LINGO2: variants seen among roughly 807,000 people sequenced by gnomAD.
LINGO2 encodes the protein leucine-rich repeat and immunoglobulin-like domain-containing nogo receptor-interacting protein 2.
In LINGO2, 14 loss-of-function variants were observed where a neutral mutation model predicts 30.6. That is an observed-to-expected ratio of 0.46 (90% CI 0.30 to 0.72). The LOEUF is 0.72. Ranked by LOEUF, LINGO2 falls within the 30% of genes least tolerant of loss-of-function variation. LINGO2 has a pLI of 0.07. For missense variants in LINGO2, 729 were observed against 751.7 expected (o/e 0.97, Z 0.35); for synonymous variants, 317 against 288.5 (o/e 1.10, Z -1.00).
intron 4 of LINGO2, among the ~76,000 whole-genome samples, chr9:28,266,114 A>G (rs1822741761): frequency 6.6e-6 from 1 of 151,976 alleles, no homozygotes; most frequent in Non-Finnish European, 1.5e-5. Context: ...TATACTCACT[A>G]TGCATCATTT....
chr9:28,708,761 TTATCTATC>T, the LINGO2 span, among the ~76,000 whole-genome samples: 2,581 of 147,848 alleles, frequency 0.017, 36 homozygotes, highest in Non-Finnish European at 0.026. Context: ...TTTAAACTAA[TTATCTATC>T]TATCTATCTA....
intron 1 of LINGO2, among the ~76,000 whole-genome samples, chr9:28,522,603 C>A (rs1820867155): frequency 6.6e-6 from 1 of 151,814 alleles, no homozygotes; most frequent in Admixed American, 6.6e-5. Context: ...ACAACTTATA[C>A]AAAAGGAATA....
At chr9:28,693,941 A>AT in the LINGO2 span, among the ~76,000 whole-genome samples, 1 of 151,966 alleles carries the variant, frequency 6.6e-6, no homozygotes, top group Non-Finnish European at 1.5e-5. Flanking sequence ...TGCTTATCCA[A>AT]TTTATTCTTA....
intron 3 of LINGO2, among the ~76,000 whole-genome samples, chr9:28,320,897 C>T (rs927443686): frequency 6.6e-6 from 1 of 152,136 alleles, no homozygotes; most frequent in Non-Finnish European, 1.5e-5. Flanking sequence ...TTTTAGCTAG[C>T]TTCAAATGGC....
the LINGO2 span, among the ~76,000 whole-genome samples, chr9:29,088,480 G>C: frequency 6.6e-6 from 1 of 152,126 alleles, no homozygotes; most frequent in Admixed American, 6.6e-5. Flanking sequence ...ATACCATGCT[G>C]CACTGGCCTC....
the LINGO2 span, among the ~76,000 whole-genome samples, chr9:28,768,916 T>A: frequency 2.6e-5 from 4 of 152,078 alleles, no homozygotes; most frequent in Non-Finnish European, 5.9e-5. Flanking sequence ...GGCAGCAGAA[T>A]AATAATACTA....
chr9:28,729,539 A>C, the LINGO2 span, among the ~76,000 whole-genome samples: 9 of 152,088 alleles, frequency 5.9e-5, no homozygotes, highest in African/African-American at 2.2e-4. Flanking sequence ...ATCATTCATC[A>C]AATGTCAAGA....
intron 3 of LINGO2, among the ~76,000 whole-genome samples, chr9:28,359,316 CAG>C (rs1820352892): frequency 6.6e-6 from 1 of 152,088 alleles, no homozygotes; most frequent in African/African-American, 2.4e-5. Context: ...ACTAGATATC[CAG>C]AGCATACTAG....
chr9:28,787,709 T>G, the LINGO2 span, among the ~76,000 whole-genome samples: 1 of 152,156 alleles, frequency 6.6e-6, no homozygotes, highest in Non-Finnish European at 1.5e-5. Context: ...AAGATAAAGA[T>G]AAATAATTTA....
the LINGO2 span, among the ~76,000 whole-genome samples, chr9:28,814,804 C>A: frequency 6.8e-6 from 1 of 147,752 alleles, no homozygotes; most frequent in African/African-American, 2.5e-5. Flanking sequence ...CTCACACACA[C>A]ACAAACAGAC....
chr9:28,683,431 C>T, the LINGO2 span, among the ~76,000 whole-genome samples: 1 of 152,184 alleles, frequency 6.6e-6, no homozygotes, highest in Middle Eastern at 3.4e-3. Context: ...GTATTTTTCA[C>T]AATTTGGCAC....
chr9:29,007,664 T>C, the LINGO2 span, among the ~76,000 whole-genome samples: 2 of 152,068 alleles, frequency 1.3e-5, no homozygotes, highest in Non-Finnish European at 2.9e-5. Context: ...CAGAAATTGT[T>C]TCTGAGACCA....
the LINGO2 span, among the ~76,000 whole-genome samples, chr9:29,110,534 G>A: frequency 0.23 from 35,395 of 151,534 alleles, 4,261 homozygotes; most frequent in East Asian, 0.41. Flanking sequence ...GGGTTTCACC[G>A]TGTTAGCCAG....
At chr9:28,053,955 G>C (rs944880725) in intron 4 of LINGO2, among the ~76,000 whole-genome samples, 3 of 152,064 alleles carry the variant, frequency 2.0e-5, no homozygotes, top group Middle Eastern at 3.4e-3. Flanking sequence ...TAAAAAGGAA[G>C]GCCAAGTATT....
chr9:28,507,195 T>C (rs952210639), intron 1 of LINGO2, among the ~76,000 whole-genome samples: 3 of 146,930 alleles, frequency 2.0e-5, no homozygotes, highest in African/African-American at 7.7e-5. Flanking sequence ...GAAATAGACC[T>C]TACTGCATTT....
the LINGO2 span, among the ~76,000 whole-genome samples, chr9:28,987,015 C>T: frequency 7.0e-6 from 1 of 143,736 alleles, no homozygotes; most frequent in African/African-American, 2.6e-5. Flanking sequence ...AATGATACTT[C>T]TGTGTGTTGA....
At position 28,476,027 on chromosome 9, in the gene LINGO2, T is replaced by G. The variant is rs1196009219; in HGVS notation, c.-364-2A>C. 6 of 152,506 alleles carry G rather than the reference T, an allele frequency of 3.9e-5. No homozygotes were observed. In the East Asian group the frequency reaches 1.2e-3, roughly 29 times the overall value. 9.4% of individuals were successfully genotyped at this position (152,506 alleles called of 1,614,324 possible). On this transcript the variant is annotated splice_acceptor_variant, in intron 1 of 5. Coordinates refer to ENST00000379992, the Ensembl canonical transcript of LINGO2. LOFTEE classifies it low-confidence loss of function (5UTR_SPLICE). The stretch of plus-strand genomic sequence containing the variant: ...TCTTCTCATAACCCTATTTCCAGGC[T>G]GCCAAAAAATAGGAAATGAAAAGAA...
chr9:28,143,138 C>A (rs924676717), intron 4 of LINGO2, among the ~76,000 whole-genome samples: 7 of 152,170 alleles, frequency 4.6e-5, no homozygotes, highest in African/African-American at 1.4e-4. Context: ...ACTTAGGAAT[C>A]ACCATCATTT....
chr9:28,780,705 T>C, the LINGO2 span, among the ~76,000 whole-genome samples: 1 of 152,138 alleles, frequency 6.6e-6, no homozygotes, highest in African/African-American at 2.4e-5. Flanking sequence ...TGTGTACATT[T>C]CTTTCTAGTT....
Sources: allele counts gnomAD v4.1 joint callset (sites outside exome capture counted in the v4.1 genomes callset), GRCh38; gene constraint gnomAD v4.1.1; transcripts MANE v1.5; gene names NCBI Gene and HGNC (gene_info 2026-07-23, HGNC 2026-07-21).